Variants in TMC8 observed in about 807,000 individuals in gnomAD.
The protein encoded by TMC8 is transmembrane channel like 8, also known as transmembrane channel-like protein 8.
A neutral mutation model predicts 76.0 loss-of-function variants in TMC8; 71 were observed. The ratio of observed to expected loss-of-function variants is 0.93; its 90% CI spans 0.77 to 1.14. The LOEUF (loss-of-function observed/expected upper bound fraction) is 1.14, where lower values mean the gene tolerates loss of function less well. Among genes scored for constraint, TMC8 ranks in the 50% most tolerant of loss-of-function variants. The pLI is 0.00. For synonymous variants in TMC8, 433 were observed against 433.8 expected, an observed-to-expected ratio of 1.00 and a Z score of 0.02; for missense variants, 924 against 947.9, an observed-to-expected ratio of 0.97 and a Z score of 0.33.
rs1208481280 is a variant in TMC8 at position 78,137,361 on chromosome 17, G to A, written c.1251+3G>A. ...GCTACAACGTTTGTGACTATCAGGT[G>A]GCTGGCAGCCCGGCGGGGCCTGTCC... On this transcript the variant is annotated splice_donor_region_variant and intron_variant, in intron 10 of 15. Transcript: ENST00000318430. The A allele has an allele frequency of 1.2e-6, 2 of 1,613,754 alleles. No individual in the cohort carries two copies. The highest frequency in any genetic ancestry group is 2.2e-5 in the East Asian group (1 of 44,890).
rs1404962689 is a variant in TMC8 at position 78,140,889 on chromosome 17, C to T, written c.1958C>T (p.Pro653Leu). 6.2e-7 allele frequency: 1 copy of T among 1,609,474 alleles called. No individual in the cohort carries two copies. Among genetic ancestry groups the T allele is most frequent in the Non-Finnish European group, 8.5e-7 (1 of 1,178,714 alleles). ...VEDLSRLLPE[P>L]GPSDSPGPKY... ...GACCTGTCGCGACTGCTGCCGGAGCCAGGCCCGAGCGACTCTCCGGGCCCC... is the reference window on the plus strand; with the variant it reads ...GACCTGTCGCGACTGCTGCCGGAGCTAGGCCCGAGCGACTCTCCGGGCCCC... The change falls in exon 16 of 16, where the codon CCA (proline) becomes CTA (leucine). Residue 653 changes from proline (P) to leucine (L), a missense_variant. Pro to Leu is a moderately conservative substitution (Grantham distance 98). Transcript: ENST00000318430.
At chr17:78,135,083 C>T in intron 9 of TMC8, 74 bp downstream of exon 9, 4 of 1,596,632 alleles carry the variant, frequency 2.5e-6, no homozygotes, top group African/African-American at 2.7e-5. Context: ...TTGGTTGTCA[C>T]CTGGCACCTG....
chr17:78,132,736 C>G (rs1329111183), intron 4 of TMC8, 52 bp from the exon 5 acceptor site: 1 of 1,584,968 alleles, frequency 6.3e-7, no homozygotes, highest in Non-Finnish European at 8.7e-7. Flanking sequence ...GCCGCAGAGC[C>G]TCACCTATGC....
At chr17:78,139,085 G>A in intron 14 of TMC8, 77 bp from the exon 15 acceptor site, 2 of 1,594,722 alleles carry the variant, frequency 1.3e-6, no homozygotes, top group Non-Finnish European at 1.7e-6. Context: ...TAGAGATTGA[G>A]GTGGGGAGAG....
Position 78,131,897 on chromosome 17 carries a change from C to T in TMC8, c.165C>T (p.Pro55=), listed in dbSNP as rs1366890047. 13 of 1,468,304 alleles carry T rather than the reference C, an allele frequency of 8.9e-6. No individual in the cohort carries two copies. Among genetic ancestry groups the T allele is most frequent in the Admixed American group, 2.4e-5 (1 of 41,590 alleles). 91.0% of individuals were successfully genotyped at this position (1,468,304 alleles called of 1,614,324 possible). ...CCCCGTCCAGGCAGCTGCGGGAGCC[C>T]GCGGGGGTGCAGACCTTGCGCTGGC... The part of the protein sequence containing the change: ...DKRLIWQLRE[P]AGVQTLRWQR... The change falls in exon 3 of 16, where the codon CCC becomes CCT. Residue 55 remains proline (P), a synonymous_variant. Coordinates refer to ENST00000318430, the MANE Select transcript of TMC8 (RefSeq NM_152468.5).
chr17:78,136,328 T>C (rs1204351316), intron 9 of TMC8, among the ~76,000 whole-genome samples: 3 of 151,872 alleles, frequency 2.0e-5, no homozygotes, highest in African/African-American at 7.3e-5. Flanking sequence ...TAACTGGGCA[T>C]GATGAAAGAC....
intron 15 of TMC8, 76 bp from the exon 16 acceptor site, chr17:78,140,756 AGT>A: frequency 6.5e-7 from 1 of 1,542,562 alleles, no homozygotes; most frequent in South Asian, 1.2e-5. Context: ...TGGGCCGCAG[AGT>A]TGCTGCCGCT....
At position 78,141,149 on chromosome 17, in the gene TMC8, C is replaced by A; in HGVS notation, c.*37C>A. On this transcript the variant is annotated 3_prime_UTR_variant, in exon 16 of 16. Transcript: ENST00000318430. ...GCCTCCCCGAAGCCTCCCTGGGGCC[C>A]CTTCAGGCCTCCTTACTCCATCTTC... 1 of 1,505,916 alleles carries A rather than the reference C, an allele frequency of 6.6e-7. No individual in the cohort carries two copies. The highest frequency in any genetic ancestry group is 2.3e-5 in the East Asian group (1 of 43,082). The allele number at this position is 1,505,916 out of a possible 1,614,324, so 93.3% of individuals were successfully genotyped here. A position where few individuals can be genotyped will look rare whatever the true frequency, so the allele number is the denominator to read the frequency against.
intron 2 of TMC8, 62 bp downstream of exon 2, chr17:78,131,799 A>C: frequency 6.6e-7 from 1 of 1,509,134 alleles, no homozygotes; most frequent in Non-Finnish European, 8.9e-7. Context: ...GCCCCGTCGG[A>C]TGGTGTGGGA....
intron 8 of TMC8, 36 bp from the exon 9 acceptor site, chr17:78,134,834 A>G (rs1438910269): frequency 6.2e-7 from 1 of 1,612,120 alleles, no homozygotes; most frequent in Non-Finnish European, 8.5e-7. Flanking sequence ...GGGGCCCCCC[A>G]GCACGCGGGC....
intron 5 of TMC8, 90 bp downstream of exon 5, chr17:78,132,960 C>A: frequency 1.4e-6 from 2 of 1,424,416 alleles, no homozygotes; most frequent in Non-Finnish European, 9.9e-7. Flanking sequence ...GACCTCTGCT[C>A]CTCCAGGGAC....
chr17:78,139,682 G>T (rs1046087926), intron 15 of TMC8, among the ~76,000 whole-genome samples: 1 of 148,754 alleles, frequency 6.7e-6, no homozygotes, highest in Non-Finnish European at 1.5e-5. Context: ...CTGAGGTCAG[G>T]AGTTCAAGAC....
In TMC8 at chr17:78,141,607, T is replaced by G. The variant is rs2075373569; in HGVS notation, c.*495T>G. 1 of 152,374 alleles carries G rather than the reference T, an allele frequency of 6.6e-6. No individual in the cohort carries two copies. Among genetic ancestry groups the G allele is most frequent in the African/African-American group, 2.4e-5 (1 of 41,472 alleles). 9.4% of individuals were successfully genotyped at this position (152,374 alleles called of 1,614,324 possible). A position where few individuals can be genotyped will look rare whatever the true frequency, so the allele number is the denominator to read the frequency against. ...AACTGCCTGCATCATCCCTTCCTGT[T>G]ACTCTTCCTTCACCTGAGACAGTCG... is the stretch of plus-strand genomic sequence containing the variant. On this transcript the variant is annotated 3_prime_UTR_variant, in exon 16 of 16. Transcript: ENST00000318430.
intron 9 of TMC8, among the ~76,000 whole-genome samples, chr17:78,136,048 C>A (rs948517254): frequency 1.3e-5 from 2 of 152,030 alleles, no homozygotes; most frequent in Non-Finnish European, 2.9e-5. Flanking sequence ...AGTGTGACTT[C>A]ATCTCAAAAA....
Position 78,132,357 on chromosome 17 carries a change from A to G in TMC8, c.299-2A>G, listed in dbSNP as rs1356092812. On this transcript the variant is annotated splice_acceptor_variant, in intron 3 of 15. Transcript: ENST00000318430. LOFTEE classifies it high-confidence loss of function. ...CTGACCCACCCTGCTCTCCCACTGC[A>G]GGCCTCTTCGGCACAGGAATTCGGT... The G allele has an allele frequency of 5.6e-6, 9 of 1,612,576 alleles. No homozygotes were observed. Among genetic ancestry groups the G allele is most frequent in the Non-Finnish European group, 7.6e-6 (9 of 1,179,602 alleles).
chr17:78,135,901 A>G (rs898845255), intron 9 of TMC8, among the ~76,000 whole-genome samples: 2 of 152,152 alleles, frequency 1.3e-5, no homozygotes, highest in African/African-American at 4.8e-5. Flanking sequence ...TAAAAACACA[A>G]AAATCAGCCA....
At position 78,133,881 on chromosome 17, in the gene TMC8, C is replaced by G; in HGVS notation, c.697C>G (p.Leu233Val). Residue 233 changes from leucine to valine, a missense_variant, in exon 7 of 16, where the codon CTG becomes GTG. Transcript: ENST00000318430. Reference sequence around the variant, plus strand: ...GGTGAAGGGGCTGCCGCAGAAGACTCTGCTGGGTCAGGGCTATCAGGCGCC... The same window carrying G: ...GGTGAAGGGGCTGCCGCAGAAGACTGTGCTGGGTCAGGGCTATCAGGCGCC... ...RMVKGLPQKT[L>V]LGQGYQAPLS... 1 of 1,613,382 alleles carries G rather than the reference C, an allele frequency of 6.2e-7. No homozygotes were observed. The highest frequency in any genetic ancestry group is 8.5e-7 in the Non-Finnish European group (1 of 1,180,036).
At chr17:78,134,337 C>G (rs1268642867) in intron 7 of TMC8, 57 bp from the exon 8 acceptor site, 3 of 1,590,584 alleles carry the variant, frequency 1.9e-6, no homozygotes, top group Admixed American at 3.3e-5. Context: ...TTCCTGCACC[C>G]TTTCCTCCCA....
Position 78,132,803 on chromosome 17 carries a change from G to A in TMC8, c.464G>A (p.Gly155Asp). The change falls in exon 5 of 16, where the codon GGT (glycine) becomes GAT (aspartate). Residue 155 changes from glycine (G) to aspartate (D), a missense_variant. Gly to Asp is a moderately conservative substitution (Grantham distance 94, BLOSUM62 -1). Coordinates refer to ENST00000318430, the MANE Select transcript of TMC8 (RefSeq NM_152468.5). ...TCCTCAACAGCCCTCCAGTGCCCTG[G>A]TAGCCGCCAGTCCCCGCCTGGCGTT... ...PTLNLTLQCP[G>D]SRQSPPGVLR... The A allele has an allele frequency of 6.2e-7, 1 of 1,614,220 alleles. No homozygotes were observed. The highest frequency in any genetic ancestry group is 8.5e-7 in the Non-Finnish European group (1 of 1,180,038).
Sources: allele counts gnomAD v4.1 joint callset (sites outside exome capture counted in the v4.1 genomes callset), GRCh38; gene constraint gnomAD v4.1.1; transcripts MANE v1.5; gene names NCBI Gene and HGNC (gene_info 2026-07-23, HGNC 2026-07-21).